TMEM268: variants seen among roughly 807,000 people sequenced by gnomAD.
TMEM268 encodes the protein transmembrane protein C9orf91.
In TMEM268, 24 loss-of-function variants were observed where a neutral mutation model predicts 39.1. The observed-to-expected ratio is 0.61, with a 90% confidence interval of 0.44 to 0.86. The LOEUF (loss-of-function observed/expected upper bound fraction) is 0.86, where lower values mean the gene tolerates loss of function less well. Among genes scored for constraint, TMEM268 ranks in the 40% least tolerant of loss-of-function variants. The pLI is 0.00. For missense variants in TMEM268, 409 were observed against 428.6 expected (o/e 0.95, Z 0.40); for synonymous variants, 176 against 173.5 (o/e 1.01, Z -0.12).
At chr9:114,635,694 GA>G (rs779847217) in intron 6 of TMEM268, among the ~76,000 whole-genome samples, 38 of 152,112 alleles carry the variant, frequency 2.5e-4, no homozygotes, top group Non-Finnish European at 4.6e-4. Flanking sequence ...AAAAAGAATG[GA>G]CACATCTTTT....
At position 114,624,374 on chromosome 9, in the gene TMEM268, C is replaced by G. The variant is rs768455991; in HGVS notation, c.131C>G (p.Thr44Ser). Residue 44 changes from threonine (T) to serine (S), a missense_variant, in exon 3 of 9, where the codon ACT becomes AGT. Physicochemically the swap from Thr to Ser is moderately conservative, Grantham distance 58. Transcript: ENST00000288502. ...GAGCTCCACAATGGCCAGGTCCTCA[C>G]TGTTCTCCGGATTGACAATACCTGT... ...GQELHNGQVL[T>S]VLRIDNTCAP... 6.2e-7 allele frequency: 1 copy of G among 1,603,604 alleles called. No individual in the cohort carries two copies. The highest frequency in any genetic ancestry group is 1.1e-5 in the South Asian group (1 of 88,874).
chr9:114,641,278 C>T (rs1375011251), intron 8 of TMEM268, among the ~76,000 whole-genome samples: 1 of 152,196 alleles, frequency 6.6e-6, no homozygotes, highest in Non-Finnish European at 1.5e-5. Context: ...GAAGTGACTG[C>T]TCTGGGTTAG....
At chr9:114,627,982 T>C (rs1347593263) in intron 4 of TMEM268, 119 bp from the exon 5 acceptor site, 2 of 1,049,024 alleles carry the variant, frequency 1.9e-6, no homozygotes, top group Non-Finnish European at 2.9e-6. Flanking sequence ...TTACTGGTGC[T>C]GTGAGCTGTC....
chr9:114,637,352 G>T (rs1284437783), intron 7 of TMEM268, among the ~76,000 whole-genome samples: 1 of 149,144 alleles, frequency 6.7e-6, no homozygotes, highest in Non-Finnish European at 1.5e-5. Flanking sequence ...GAGTGCAGTA[G>T]AGTGATCTCT....
intron 5 of TMEM268, 93 bp from the exon 6 acceptor site, chr9:114,633,675 C>G: frequency 1.7e-6 from 1 of 601,662 alleles, no homozygotes; most frequent in South Asian, 2.4e-5. Flanking sequence ...CCCTTGGCAT[C>G]TGGGGGTGGG....
chr9:114,640,001 C>T (rs1456817890), intron 8 of TMEM268, among the ~76,000 whole-genome samples: 1 of 151,074 alleles, frequency 6.6e-6, no homozygotes, highest in Non-Finnish European at 1.5e-5. Context: ...CCACCCGCTT[C>T]ATCCTCCCAA....
At chr9:114,634,294 C>G (rs10982342) in intron 6 of TMEM268, among the ~76,000 whole-genome samples, 41,686 of 152,094 alleles carry the variant, frequency 0.27, 6,076 homozygotes, top group South Asian at 0.4. Flanking sequence ...TTATAGCAAA[C>G]GGACAGCCCC....
At chr9:114,638,924 A>G (rs1463392880) in intron 8 of TMEM268, among the ~76,000 whole-genome samples, 198 bp downstream of exon 8, 1 of 152,142 alleles carries the variant, frequency 6.6e-6, no homozygotes, top group Non-Finnish European at 1.5e-5. Context: ...GAAGCATTTT[A>G]TATTTATTGG....
chr9:114,641,717 A>C (rs1397260279), intron 8 of TMEM268, among the ~76,000 whole-genome samples: 2 of 152,132 alleles, frequency 1.3e-5, no homozygotes, highest in African/African-American at 4.8e-5. Context: ...GCTCACTGCA[A>C]CCTCTGCCTC....
intron 2 of TMEM268, among the ~76,000 whole-genome samples, chr9:114,617,825 C>G (rs1361702966): frequency 1.3e-5 from 2 of 151,976 alleles, no homozygotes; most frequent in Non-Finnish European, 2.9e-5. Context: ...TCTGGCTTTG[C>G]CTTCCCAAAG....
At chr9:114,635,042 T>C (rs528542034) in intron 6 of TMEM268, among the ~76,000 whole-genome samples, 5 of 152,210 alleles carry the variant, frequency 3.3e-5, no homozygotes, top group South Asian at 4.1e-4. Flanking sequence ...CACGGATGGA[T>C]AGATGACTAA....
At chr9:114,617,043 C>T in intron 1 of TMEM268, 75 bp from the exon 2 acceptor site, 1 of 554,978 alleles carries the variant, frequency 1.8e-6, no homozygotes, top group Non-Finnish European at 3.2e-6. Context: ...TGACTTTGGC[C>T]CTGGAGACAG....
At chr9:114,633,152 T>G (rs1846471011) in intron 5 of TMEM268, among the ~76,000 whole-genome samples, 1 of 149,022 alleles carries the variant, frequency 6.7e-6, no homozygotes, top group African/African-American at 2.5e-5. Flanking sequence ...GATGCTAACA[T>G]GCCTAGTTAA....
chr9:114,623,610 G>A (rs1259123115), intron 2 of TMEM268, among the ~76,000 whole-genome samples: 3 of 152,044 alleles, frequency 2.0e-5, no homozygotes, highest in African/African-American at 7.2e-5. Flanking sequence ...CTGGCTCATG[G>A]CCCTCTCCCT....
chr9:114,612,241 T>C (rs1411570008), intron 1 of TMEM268, among the ~76,000 whole-genome samples: 4 of 152,154 alleles, frequency 2.6e-5, no homozygotes, highest in Non-Finnish European at 4.4e-5. Flanking sequence ...CTTTGCGCAA[T>C]AGGACTTAAG....
rs1827506271 is a variant in TMEM268 at position 114,644,810 on chromosome 9, T to TA, written c.*1499dup. On this transcript the variant is annotated 3_prime_UTR_variant, in exon 9 of 9. Coordinates refer to ENST00000288502, the MANE Select transcript of TMEM268 (RefSeq NM_153045.4). ...GTGGATTGGATGATTTTTTTTTTTT[T>TA]AATTGAGATGGAGTCTTGCACTGTC... is the stretch of plus-strand genomic sequence containing the variant. 6.6e-6 allele frequency: 1 copy of TA among 151,786 alleles called. No individual in the cohort carries two copies. Among genetic ancestry groups the TA allele is most frequent in the Non-Finnish European group, 1.5e-5 (1 of 67,954 alleles). 9.4% of individuals were successfully genotyped at this position (151,786 alleles called of 1,614,324 possible). A position where few individuals can be genotyped will look rare whatever the true frequency, so the allele number is the denominator to read the frequency against.
chr9:114,613,465 A>G (rs935318724), intron 1 of TMEM268, among the ~76,000 whole-genome samples: 1 of 152,180 alleles, frequency 6.6e-6, no homozygotes, highest in African/African-American at 2.4e-5. Flanking sequence ...TCTCAGAATT[A>G]TATCTGCCTC....
At chr9:114,622,376 G>C in intron 2 of TMEM268, 1 of 985,394 alleles carries the variant, frequency 1.0e-6, no homozygotes, top group Non-Finnish European at 1.2e-6. Context: ...TAGAATCCCA[G>C]GGCTGGAATC....
chr9:114,622,569 T>G, intron 2 of TMEM268: 3 of 923,654 alleles, frequency 3.2e-6, no homozygotes, highest in Non-Finnish European at 3.9e-6. Context: ...GACTTTTCTC[T>G]CCAGCTGGTC....
Sources: allele counts gnomAD v4.1 joint callset (sites outside exome capture counted in the v4.1 genomes callset), GRCh38; gene constraint gnomAD v4.1.1; transcripts MANE v1.5; gene names NCBI Gene and HGNC (gene_info 2026-07-23, HGNC 2026-07-21).